USP34: variants seen among roughly 807,000 people sequenced by gnomAD.
The protein encoded by USP34 is ubiquitin carboxyl-terminal hydrolase 34.
A neutral mutation model predicts 460.3 loss-of-function variants in USP34; 70 were observed. The observed-to-expected ratio is 0.15, with a 90% CI of 0.13 to 0.19. USP34 has a LOEUF of 0.19. Ranked by LOEUF, USP34 falls within the 10% of genes least tolerant of loss-of-function variation. The pLI is 1.00. For synonymous variants in USP34, 1,647 were observed against 1,405.3 expected (o/e 1.17, Z -3.85); for missense variants, 3,985 against 4,236.2 (o/e 0.94, Z 1.65).
rs375406320 is a variant in USP34 at position 61,431,815 on chromosome 2, C to G, written c.44-10982G>C. On this transcript the variant is annotated intron_variant, in intron 1 of 79. Coordinates refer to ENST00000398571, the MANE Select transcript of USP34 (RefSeq NM_014709.4). ...GTTGCAGTGAGCTGAAATCGCACCA[C>G]TGCATTCCAGCCTGGGCAACAAGAG... Among the ~76,000 whole-genome samples, 4 of 152,174 alleles carry G rather than the reference C, an allele frequency of 2.6e-5. No individual in the cohort carries two copies. The South Asian group carries it at 6.2e-4, about 24-fold the overall frequency.
chr2:61,388,959 T>TG, intron 5 of USP34, among the ~76,000 whole-genome samples: 1 of 152,106 alleles, frequency 6.6e-6, no homozygotes, highest in Admixed American at 6.6e-5. Context: ...TTTTAAAAGA[T>TG]AATTCAACAA....
At chr2:61,432,883 C>A (rs1480699755) in intron 1 of USP34, among the ~76,000 whole-genome samples, 1 of 152,202 alleles carries the variant, frequency 6.6e-6, no homozygotes. Flanking sequence ...ACCAAGACCA[C>A]ATACCACATA....
rs771415551 is a variant in USP34 at position 61,214,537 on chromosome 2, G to T, written c.8205C>A (p.Leu2735=). ...CATCAACATAAAGTTTGGCTCTTGA[G>T]AGCAAACCAAGGAGCACGTTGTAGA... ...HQVYNVLLGL[L]SRAKLYVDAA... Residue 2735 remains leucine, a synonymous_variant, in exon 68 of 80, where the codon CTC becomes CTA. Transcript: ENST00000398571. 1.1e-5 allele frequency: 17 copies of T among 1,613,670 alleles called. No individual in the cohort carries two copies. Among genetic ancestry groups the T allele is most frequent in the Non-Finnish European group, 1.4e-5 (16 of 1,179,840 alleles).
chr2:61,253,467 G>A (rs1296291263), intron 48 of USP34, among the ~76,000 whole-genome samples: 2 of 151,990 alleles, frequency 1.3e-5, no homozygotes, highest in African/African-American at 2.4e-5. Context: ...TGTCTTCTTC[G>A]TGTAATTGCC....
chr2:61,265,261 G>A lies in USP34; in HGVS notation c.5778+136C>T, dbSNP rs368586221. 3.4e-6 allele frequency: 3 copies of A among 884,426 alleles called. No homozygotes were observed. The African/African-American group carries it at 5.1e-5, about 15-fold the overall frequency. 54.8% of individuals were successfully genotyped at this position (884,426 alleles called of 1,614,324 possible). On this transcript the variant is annotated intron_variant, in intron 43 of 79. Coordinates refer to ENST00000398571, the MANE Select transcript of USP34 (RefSeq NM_014709.4). ...GTATAACTATGTAAAATACACATTA[G>A]CTAGTTACTGTAATCAAATTTACTT...
At chr2:61,334,189 A>C (rs1364357085) in intron 18 of USP34, among the ~76,000 whole-genome samples, 1 of 152,170 alleles carries the variant, frequency 6.6e-6, no homozygotes, top group African/African-American at 2.4e-5. Context: ...CTTTAAGGTA[A>C]AACACACTAT....
intron 61 of USP34, among the ~76,000 whole-genome samples, chr2:61,227,746 A>C (rs74322006): frequency 7.4e-5 from 11 of 148,852 alleles, no homozygotes; most frequent in South Asian, 2.1e-4. Flanking sequence ...CAAAAAAAAA[A>C]CAAAAAACCT....
intron 41 of USP34, among the ~76,000 whole-genome samples, chr2:61,277,335 C>G (rs1336772129): frequency 6.6e-6 from 1 of 151,240 alleles, no homozygotes; most frequent in Non-Finnish European, 1.5e-5. Flanking sequence ...CTCCTGAGCT[C>G]AAGCAATCCT....
intron 1 of USP34, among the ~76,000 whole-genome samples, chr2:61,455,605 C>T (rs1169376589): frequency 6.6e-6 from 1 of 152,110 alleles, no homozygotes; most frequent in East Asian, 1.9e-4. Context: ...AGACCCCCAT[C>T]TCAAAAACTT....
At chr2:61,406,211 T>C in intron 2 of USP34, 83 bp from the exon 3 acceptor site, 1 of 1,191,276 alleles carries the variant, frequency 8.4e-7, no homozygotes, top group Non-Finnish European at 1.1e-6. Context: ...AGTAAGCAAA[T>C]ACTAAGTTAT....
At chr2:61,412,395 A>AT (rs1248348049) in intron 2 of USP34, among the ~76,000 whole-genome samples, 2 of 152,074 alleles carry the variant, frequency 1.3e-5, no homozygotes, top group East Asian at 1.9e-4. Context: ...ACAACAGGGC[A>AT]TTTTTTGGCC....
intron 10 of USP34, among the ~76,000 whole-genome samples, chr2:61,354,820 A>G (rs1012930431): frequency 6.6e-5 from 10 of 152,006 alleles, no homozygotes; most frequent in Admixed American, 4.6e-4. Flanking sequence ...AGGTGCTCAC[A>G]CTGAGGCAGA....
intron 10 of USP34, among the ~76,000 whole-genome samples, chr2:61,365,986 C>G (rs955976491): frequency 1.5e-5 from 2 of 135,578 alleles, no homozygotes; most frequent in Non-Finnish European, 3.3e-5. Context: ...CAGTCTCACT[C>G]TGCTGCCCAG....
chr2:61,250,338 T>A (rs780384203), intron 48 of USP34: 1 of 175,078 alleles, frequency 5.7e-6, no homozygotes, highest in Non-Finnish European at 1.2e-5. Flanking sequence ...CCAGAAAATA[T>A]TCCCCCCAAG....
At chr2:61,407,732 TA>T (rs1693920130) in intron 2 of USP34, among the ~76,000 whole-genome samples, 1 of 152,172 alleles carries the variant, frequency 6.6e-6, no homozygotes, top group Non-Finnish European at 1.5e-5. Context: ...TTGGATCACT[TA>T]CTCTAGAGGA....
rs529958702 is a variant in USP34, at chr2:61,363,404, T to C, written c.1251+6917A>G. 6.6e-4 allele frequency among the ~76,000 whole-genome samples: 101 copies of C among 152,302 alleles called. 1 individual carries two copies. Among genetic ancestry groups the C allele is most frequent in the South Asian group, 1.2e-3 (6 of 4,826 alleles). On this transcript the variant is annotated intron_variant, in intron 10 of 79. Transcript: ENST00000398571. Reference sequence around the variant, plus strand: ...CAGGATAGGGATACGTTCTGAGAAATGCCCTCTTGTGAACATCAGAGCATA... The same window carrying C: ...CAGGATAGGGATACGTTCTGAGAAACGCCCTCTTGTGAACATCAGAGCATA...
At chr2:61,387,930 C>CATATGTAAAAATATATTTAT (rs1558564922) in intron 5 of USP34, among the ~76,000 whole-genome samples, 12 of 95,734 alleles carry the variant, frequency 1.3e-4, no homozygotes, top group African/African-American at 3.7e-4. Flanking sequence ...TATATTTATA[C>CATATGTAAAAATATATTTAT]ACACACACAC....
chr2:61,224,045 C>T (rs1687662971), intron 62 of USP34, among the ~76,000 whole-genome samples: 1 of 152,166 alleles, frequency 6.6e-6, no homozygotes, highest in South Asian at 2.1e-4. Flanking sequence ...TCAAAAACAA[C>T]CACGGTACCA....
intron 68 of USP34, among the ~76,000 whole-genome samples, 193 bp downstream of exon 68, chr2:61,213,867 G>C (rs1203842054): frequency 6.6e-6 from 1 of 152,068 alleles, no homozygotes; most frequent in Non-Finnish European, 1.5e-5. Context: ...CCTAAGAAAA[G>C]TTATCTACAC....
Sources: allele counts gnomAD v4.1 joint callset (sites outside exome capture counted in the v4.1 genomes callset), GRCh38; gene constraint gnomAD v4.1.1; transcripts MANE v1.5; gene names NCBI Gene and HGNC (gene_info 2026-07-23, HGNC 2026-07-21).